The following MTRF1L variants were observed in gnomAD, a reference collection of about 807,000 sequenced individuals.
MTRF1L encodes peptide chain release factor 1-like, mitochondrial.
Under a neutral mutation model 40.0 loss-of-function variants are expected in MTRF1L, and 29 were observed. The ratio of observed to expected loss-of-function variants is 0.73; its 90% confidence interval spans 0.54 to 0.99. The LOEUF (loss-of-function observed/expected upper bound fraction) is 0.99. Ranked by LOEUF, MTRF1L falls within the 50% of genes least tolerant of loss-of-function variation. The probability of loss-of-function intolerance (pLI) is 0.00; values close to 1 mark genes in which losing one functional copy is unlikely to be tolerated. For synonymous variants in MTRF1L, 150 were observed against 175.8 expected (o/e 0.85, Z 1.16); for missense variants, 412 against 464.5 (o/e 0.89, Z 1.04).
chr6:152,998,907 C>T (rs1447569639), intron 1 of MTRF1L, among the ~76,000 whole-genome samples: 2 of 152,098 alleles, frequency 1.3e-5, no homozygotes, highest in South Asian at 2.1e-4. Flanking sequence ...AGAAGCTAAA[C>T]TCTTCCATAA....
chr6:152,994,830 T>C (rs1256750170), intron 3 of MTRF1L, 154 bp from the exon 4 acceptor site: 1 of 987,202 alleles, frequency 1.0e-6, no homozygotes, highest in Admixed American at 2.4e-5. Context: ...AATGTTTTAA[T>C]ATTTATCTTT....
intron 6 of MTRF1L, chr6:152,990,313 C>T: frequency 1.0e-5 from 7 of 671,778 alleles, no homozygotes; most frequent in South Asian, 6.2e-5. Flanking sequence ...GCCTCAGCCA[C>T]TTCAATGTTC....
At position 152,992,928 on chromosome 6, in the gene MTRF1L, C is replaced by T. The variant is rs141113036; in HGVS notation, c.734G>A (p.Arg245Gln). The T allele has an allele frequency of 6.8e-6, 11 of 1,612,692 alleles. No homozygotes were observed. The highest frequency in any genetic ancestry group is 4.0e-5 in the African/African-American group (3 of 74,856). Residue 245 changes from arginine to glutamine, a missense_variant, in exon 5 of 7, where the codon CGA (arginine) becomes CAA (glutamine). By Grantham distance (43) the Arg-to-Gln change is conservative. Coordinates refer to ENST00000367233, the MANE Select transcript of MTRF1L (RefSeq NM_019041.7). ...ATGCTGCCCCCCAGCTCCACTGGCT[C>T]GCTTAGTGTCAATTCTCAAATCTTT... The part of the protein sequence containing the change: ...NPKDLRIDTK[R>Q]ASGAGGQHVN...
intron 5 of MTRF1L, among the ~76,000 whole-genome samples, 174 bp downstream of exon 5, chr6:152,992,680 CCTT>C (rs1778567639): frequency 1.3e-5 from 2 of 152,126 alleles, no homozygotes; most frequent in African/African-American, 4.8e-5. Flanking sequence ...CTCTTCCTCG[CCTT>C]GCAGTTATCC....
chr6:152,991,157 A>T, intron 6 of MTRF1L, 28 bp downstream of exon 6: 1 of 1,398,126 alleles, frequency 7.2e-7, no homozygotes, highest in Non-Finnish European at 9.6e-7. Flanking sequence ...TCTATCCTTT[A>T]AAAGCATTTT....
intron 2 of MTRF1L, among the ~76,000 whole-genome samples, chr6:152,996,526 T>C (rs1410389959): frequency 6.6e-6 from 1 of 152,168 alleles, no homozygotes. Context: ...AACATTAATT[T>C]TTAGTAATTT....
intron 6 of MTRF1L, 110 bp from the exon 7 acceptor site, chr6:152,990,205 G>A (rs1055012432): frequency 7.1e-6 from 10 of 1,412,278 alleles, no homozygotes; most frequent in Middle Eastern, 1.9e-4. Context: ...AATCAAATGC[G>A]AGAACCAGGT....
intron 1 of MTRF1L, among the ~76,000 whole-genome samples, chr6:153,001,947 G>A (rs1338822509): frequency 6.6e-6 from 1 of 152,158 alleles, no homozygotes; most frequent in East Asian, 1.9e-4. Context: ...CTATTTTTCT[G>A]GCTTCATGTT....
chr6:153,001,200 T>C (rs1325334284), intron 1 of MTRF1L, among the ~76,000 whole-genome samples: 1 of 152,188 alleles, frequency 6.6e-6, no homozygotes, highest in Non-Finnish European at 1.5e-5. Context: ...TGAAATTTTC[T>C]ATTGGCTTCT....
intron 2 of MTRF1L, among the ~76,000 whole-genome samples, chr6:152,997,564 G>A (rs971526668): frequency 1.2e-4 from 18 of 152,264 alleles, no homozygotes; most frequent in Admixed American, 1.0e-3. Context: ...GGAAGGGGTC[G>A]AGTCAAAGCA....
intron 1 of MTRF1L, 37 bp downstream of exon 1, chr6:153,002,390 T>C (rs1287859571): frequency 6.2e-7 from 1 of 1,613,818 alleles, no homozygotes; most frequent in East Asian, 2.2e-5. Context: ...GAGTCAAGAA[T>C]GTGCTCTGAC....
chr6:153,001,877 G>T (rs181298376), intron 1 of MTRF1L, among the ~76,000 whole-genome samples: 2 of 152,302 alleles, frequency 1.3e-5, no homozygotes, highest in East Asian at 3.9e-4. Context: ...AAAAACATTT[G>T]CTAACTTTCC....
At chr6:152,999,421 T>C (rs1003782361) in intron 1 of MTRF1L, among the ~76,000 whole-genome samples, 1 of 152,192 alleles carries the variant, frequency 6.6e-6, no homozygotes, top group Non-Finnish European at 1.5e-5. Flanking sequence ...AATACATATA[T>C]AAGACCTGCC....
chr6:152,991,435 CA>C (rs1778512726), intron 5 of MTRF1L, 114 bp from the exon 6 acceptor site: 2 of 1,206,646 alleles, frequency 1.7e-6, no homozygotes, highest in Non-Finnish European at 2.2e-6. Context: ...GGGGAAAAAA[CA>C]GAGGACTCTA....
rs750715079 is a variant in MTRF1L at position 153,002,663 on chromosome 6, C to T, written c.23G>A (p.Gly8Asp). The change falls in exon 1 of 7, where the codon GGC (glycine) becomes GAC (aspartate). Residue 8 changes from glycine to aspartate, a missense_variant. Physicochemically the swap from Gly to Asp is moderately conservative, Grantham distance 94. Coordinates refer to ENST00000367233, the MANE Select transcript of MTRF1L (RefSeq NM_019041.7). MRSRVLW[G>D]AARWLWPRRA... ...GCGGGGCCAGAGCCACCGGGCAGCG[C>T]CCCACAGAACCCGGGACCGCATCCT... 2.7e-6 allele frequency: 4 copies of T among 1,499,694 alleles called. No individual in the cohort carries two copies. In the South Asian group the frequency reaches 3.9e-5, roughly 15 times the overall value. The allele number at this position is 1,499,694 out of a possible 1,614,324, so 92.9% of individuals were successfully genotyped here.
chr6:152,999,337 G>C (rs1165446444), intron 1 of MTRF1L, among the ~76,000 whole-genome samples: 1 of 152,072 alleles, frequency 6.6e-6, no homozygotes, highest in Non-Finnish European at 1.5e-5. Context: ...TCTCTCTATT[G>C]AAAGTTCAAA....
rs931174246 is a variant in MTRF1L at position 152,995,002 on chromosome 6, T to C, written c.523+134A>G. ...TCATCTCAAAATTACTGTATGTGCA[T>C]TCAAATTTATTAGGTAAATGATGAG... On this transcript the variant is annotated intron_variant, in intron 3 of 6. Coordinates refer to ENST00000367233, the MANE Select transcript of MTRF1L (RefSeq NM_019041.7). 8 of 866,028 alleles carry C rather than the reference T, an allele frequency of 9.2e-6. No individual in the cohort carries two copies. In the African/African-American group the frequency reaches 1.4e-4, roughly 15 times the overall value. The allele number at this position is 866,028 out of a possible 1,614,324, so 53.6% of individuals were successfully genotyped here. A position where few individuals can be genotyped will look rare whatever the true frequency, so the allele number is the denominator to read the frequency against.
chr6:152,991,417 C>A (rs564526314), intron 5 of MTRF1L, 96 bp from the exon 6 acceptor site: 22 of 1,347,444 alleles, frequency 1.6e-5, no homozygotes, highest in Middle Eastern at 5.3e-4. Context: ...TTTCTTCTTC[C>A]TTTATGAGGG....
Position 152,989,670 on chromosome 6 carries a change from A to G in MTRF1L, c.*225T>C. The G allele has an allele frequency of 1.5e-5, 8 of 531,184 alleles. No homozygotes were observed. The highest frequency in any genetic ancestry group is 6.3e-6 in the Non-Finnish European group (2 of 317,880). The allele number at this position is 531,184 out of a possible 1,614,324, so 32.9% of individuals were successfully genotyped here. A position where few individuals can be genotyped will look rare whatever the true frequency, so the allele number is the denominator to read the frequency against. On this transcript the variant is annotated 3_prime_UTR_variant, in exon 7 of 7. Coordinates refer to ENST00000367233, the MANE Select transcript of MTRF1L (RefSeq NM_019041.7). ...TGCATTTTTAACTTATGATGGGTTT[A>G]TTGGGAATTAACCACAATGTAAATC...
Sources: allele counts gnomAD v4.1 joint callset (sites outside exome capture counted in the v4.1 genomes callset), GRCh38; gene constraint gnomAD v4.1.1; transcripts MANE v1.5; gene names NCBI Gene and HGNC (gene_info 2026-07-23, HGNC 2026-07-21).